DPP6: variants seen among roughly 807,000 people sequenced by gnomAD.
The protein encoded by DPP6 is A-type potassium channel modulatory protein DPP6.
A neutral mutation model predicts 122.6 loss-of-function variants in DPP6; 69 were observed. That is an observed-to-expected ratio of 0.56 (90% confidence interval 0.46 to 0.69). The LOEUF is 0.69. Among genes scored for constraint, DPP6 ranks in the 30% least tolerant of loss-of-function variants. DPP6 has a pLI of 0.00. For synonymous variants in DPP6, 418 were observed against 433.1 expected, an observed-to-expected ratio of 0.97 and a Z score of 0.43; for missense variants, 928 against 1,116.9, an observed-to-expected ratio of 0.83 and a Z score of 2.41.
At position 154,321,892 on chromosome 7, in the gene DPP6, AT is replaced by A. The variant is rs879382611; in HGVS notation, c.244-124319del. Among the ~76,000 whole-genome samples, 486 of 151,482 alleles carry A rather than the reference AT, an allele frequency of 3.2e-3. 2 individuals carry two copies. Among genetic ancestry groups the A allele is most frequent in the Non-Finnish European group, 3.2e-3 (218 of 67,916 alleles). On this transcript the variant is annotated intron_variant, in intron 1 of 25. Transcript: ENST00000377770. ...GACCCTTGTCTAAGGCAAAAGTGGG[AT>A]TTAGGGAAAGATACTGTGGTAGCTG...
chr7:153,749,398 G>A, the DPP6 span, among the ~76,000 whole-genome samples: 1 of 152,090 alleles, frequency 6.6e-6, no homozygotes, highest in Non-Finnish European at 1.5e-5. The surrounding 1 kb of genome is among the most constrained non-coding windows in gnomAD (Gnocchi z 4.1). Context: ...GACCCCCCTG[G>A]GCCAGAGCTT....
chr7:154,808,114 A>C (rs1364284273), intron 16 of DPP6, among the ~76,000 whole-genome samples: 1 of 152,252 alleles, frequency 6.6e-6, no homozygotes, highest in Non-Finnish European at 1.5e-5. Flanking sequence ...AAAATATGCC[A>C]CAGGCAGAGA....
At chr7:154,439,995 A>G (rs1223481882) in intron 1 of DPP6, among the ~76,000 whole-genome samples, 2 of 152,204 alleles carry the variant, frequency 1.3e-5, no homozygotes, top group Non-Finnish European at 2.9e-5. Flanking sequence ...CGTGGTGGAC[A>G]CTGCCCAGGG....
At chr7:154,532,428 A>G (rs1827907986) in intron 3 of DPP6, among the ~76,000 whole-genome samples, 2 of 152,274 alleles carry the variant, frequency 1.3e-5, no homozygotes, top group Non-Finnish European at 2.9e-5. Flanking sequence ...TCATCTTAAC[A>G]AGCTAGAAGA....
intron 7 of DPP6, among the ~76,000 whole-genome samples, chr7:154,688,949 C>T (rs1415463271): frequency 1.3e-5 from 2 of 152,206 alleles, no homozygotes; most frequent in Non-Finnish European, 2.9e-5. Context: ...ATTTTGCATC[C>T]AGCAGCCTTG....
At chr7:154,777,647 A>G (rs1298640786) in intron 10 of DPP6, among the ~76,000 whole-genome samples, 1 of 152,178 alleles carries the variant, frequency 6.6e-6, no homozygotes, top group Non-Finnish European at 1.5e-5. Context: ...GCAGATAGCC[A>G]GCACGATCAT....
At position 154,054,113 on chromosome 7, in the gene DPP6, A is replaced by C. The variant is rs558032600; in HGVS notation, c.243+1050A>C. On this transcript the variant is annotated intron_variant, in intron 1 of 25. Transcript: ENST00000377770. ...TGTTGGTTTGTAGAAATTACTATGT[A>C]TGCCTTTGAGGAGTTTCACAACTGC... Among the ~76,000 whole-genome samples, 652 of 151,232 alleles carry C rather than the reference A, an allele frequency of 4.3e-3. 1 individual carries two copies. Among genetic ancestry groups the C allele is most frequent in the African/African-American group, 0.015 (624 of 41,156 alleles).
chr7:154,211,773 C>A (rs1338832541), intron 1 of DPP6, among the ~76,000 whole-genome samples: 1 of 152,216 alleles, frequency 6.6e-6, no homozygotes, highest in Admixed American at 6.5e-5. Context: ...CTGCAGCTTT[C>A]AGCTGGCTCT....
At chr7:154,031,709 T>G (rs1046869498) in intron 1 of DPP6, among the ~76,000 whole-genome samples, 1 of 152,012 alleles carries the variant, frequency 6.6e-6, no homozygotes, top group Non-Finnish European at 1.5e-5. Context: ...GGAACGAGCT[T>G]TAGAGTGCAG....
chr7:154,750,377 C>T (rs1409130396), intron 8 of DPP6, among the ~76,000 whole-genome samples: 1 of 152,226 alleles, frequency 6.6e-6, no homozygotes, highest in Non-Finnish European at 1.5e-5. Context: ...CCGCCTGTGC[C>T]GGAGCAGGCC....
chr7:154,193,207 A>G (rs944965381), intron 1 of DPP6, among the ~76,000 whole-genome samples: 1 of 152,180 alleles, frequency 6.6e-6, no homozygotes, highest in African/African-American at 2.4e-5. Context: ...AGTACATTAG[A>G]CTTTTAGATT....
intron 3 of DPP6, among the ~76,000 whole-genome samples, chr7:154,514,339 A>G (rs983639391): frequency 2.6e-5 from 4 of 152,084 alleles, no homozygotes; most frequent in Non-Finnish European, 5.9e-5. Context: ...TCTCCTTCTC[A>G]TACTTTCCAT....
chr7:154,389,450 A>T (rs1814419765), intron 1 of DPP6, among the ~76,000 whole-genome samples: 1 of 97,540 alleles, frequency 1.0e-5, no homozygotes, highest in Non-Finnish European at 2.8e-5. Context: ...GTTTTCCTTA[A>T]ATTTTTTTTT....
At chr7:154,097,953 G>A (rs1267833610) in intron 1 of DPP6, among the ~76,000 whole-genome samples, 4 of 152,192 alleles carry the variant, frequency 2.6e-5, no homozygotes, top group Non-Finnish European at 5.9e-5. Flanking sequence ...AGTCTTATGG[G>A]TTGTGCTCGC....
chr7:154,002,375 C>T (rs1797727924), intron 1 of DPP6, among the ~76,000 whole-genome samples: 1 of 152,098 alleles, frequency 6.6e-6, no homozygotes, highest in South Asian at 2.1e-4. Flanking sequence ...TTTTATAGAC[C>T]TGCTACATTG....
At chr7:154,668,270 C>A (rs1838323214) in intron 6 of DPP6, among the ~76,000 whole-genome samples, 1 of 114,532 alleles carries the variant, frequency 8.7e-6, no homozygotes, top group Admixed American at 1.1e-4. Flanking sequence ...ACCCAGGCTA[C>A]AGTGTAGTGG....
intron 1 of DPP6, among the ~76,000 whole-genome samples, chr7:153,926,363 C>G (rs896434052): frequency 3.9e-5 from 6 of 152,130 alleles, no homozygotes; most frequent in African/African-American, 7.2e-5. Context: ...AATTTTGAAG[C>G]CTAACTCCTA....
intron 1 of DPP6, among the ~76,000 whole-genome samples, chr7:153,970,491 A>C (rs1360218865): frequency 6.6e-6 from 1 of 152,040 alleles, no homozygotes; most frequent in Non-Finnish European, 1.5e-5. Context: ...GAGTCTTTTA[A>C]TTTTCACCAA....
chr7:154,607,022 A>T (rs1482497061), intron 5 of DPP6, among the ~76,000 whole-genome samples: 1 of 121,028 alleles, frequency 8.3e-6, no homozygotes, highest in African/African-American at 2.6e-5. Flanking sequence ...TGCTGCTATT[A>T]TGGTGAGCTA....
Sources: gnomAD v4.1 joint callset for allele counts (sites outside exome capture counted in the v4.1 genomes callset) on GRCh38, gnomAD v4.1.1 for gene constraint, Gnocchi (gnomAD v3.1) non-coding constraint, MANE v1.5 for transcripts, NCBI Gene and HGNC (gene_info 2026-07-23, HGNC 2026-07-21) for gene names.